The following GABRB1 variants were observed in gnomAD, a reference collection of about 807,000 sequenced individuals.
GABRB1 encodes gamma-aminobutyric acid receptor subunit beta-1.
In GABRB1, 17 loss-of-function variants were observed where a neutral mutation model predicts 51.6. That is an observed-to-expected ratio of 0.33 (90% CI 0.23 to 0.49). The LOEUF (loss-of-function observed/expected upper bound fraction) is 0.49. Among genes scored for constraint, GABRB1 ranks in the 20% least tolerant of loss-of-function variants. GABRB1 has a pLI of 0.99. For missense variants in GABRB1, 410 were observed against 600.6 expected, an observed-to-expected ratio of 0.68 and a Z score of 3.32; for synonymous variants, 247 against 218.9, an observed-to-expected ratio of 1.13 and a Z score of -1.14.
intron 3 of GABRB1, among the ~76,000 whole-genome samples, chr4:47,148,660 A>G (rs1243610465): frequency 6.6e-6 from 1 of 151,898 alleles, no homozygotes; most frequent in Non-Finnish European, 1.5e-5. Context: ...ATCACTGTGG[A>G]AGAAAAATGC....
rs115520486 is a variant in GABRB1 at position 47,026,536 on chromosome 4, C to T, written c.-19-5378C>T. On this transcript the variant is annotated intron_variant, in intron 1 of 3. Transcript: ENST00000513567. The stretch of plus-strand genomic sequence containing the variant: ...GCAACACTTTTTAAATGATGCTCTA[C>T]AAACAATATATTACCGGTAACAGGC... 2.8e-3 allele frequency among the ~76,000 whole-genome samples: 431 copies of T among 152,094 alleles called. 2 individuals are homozygous for T. The highest frequency in any genetic ancestry group is 0.01 in the African/African-American group (423 of 41,536).
Position 47,137,029 on chromosome 4 carries a change from T to C in GABRB1, c.241-24220T>C, listed in dbSNP as rs557545524. On this transcript the variant is annotated intron_variant, in intron 3 of 8. Coordinates refer to ENST00000295454, the MANE Select transcript of GABRB1 (RefSeq NM_000812.4). ...AGGAGACTAGGACTGACTTTGCCGATATGAAAATGCGGAAAGGGCGCCACA... is the reference window on the plus strand; with the variant it reads ...AGGAGACTAGGACTGACTTTGCCGACATGAAAATGCGGAAAGGGCGCCACA... 3.3e-5 allele frequency among the ~76,000 whole-genome samples: 5 copies of C among 152,218 alleles called. 1 individual carries two copies. Among genetic ancestry groups the C allele is most frequent in the South Asian group, 4.1e-4 (2 of 4,830 alleles).
chr4:47,377,409 G>C (rs571191837), intron 5 of GABRB1, among the ~76,000 whole-genome samples: 1 of 151,858 alleles, frequency 6.6e-6, no homozygotes, highest in Non-Finnish European at 1.5e-5. Flanking sequence ...GGAAGTGTTC[G>C]AAGTTTCTTC....
chr4:47,123,767 T>C (rs188001261), intron 3 of GABRB1, among the ~76,000 whole-genome samples: 148 of 87,396 alleles, frequency 1.7e-3, no homozygotes, highest in Admixed American at 4.2e-3. Flanking sequence ...TATAATATAT[T>C]ATATATCATA....
At chr4:47,220,288 T>C (rs1720719881) in intron 4 of GABRB1, among the ~76,000 whole-genome samples, 1 of 152,048 alleles carries the variant, frequency 6.6e-6, no homozygotes, top group African/African-American at 2.4e-5. Flanking sequence ...TTGTATATTA[T>C]CATAAGTTGG....
intron 4 of GABRB1, among the ~76,000 whole-genome samples, chr4:47,294,674 G>A (rs879385792): frequency 2.0e-5 from 3 of 152,232 alleles, no homozygotes; most frequent in Admixed American, 1.3e-4. Context: ...ACCTCTGGGG[G>A]CAGGAAACAG....
At chr4:47,207,516 G>A (rs919873042) in intron 4 of GABRB1, among the ~76,000 whole-genome samples, 2 of 151,916 alleles carry the variant, frequency 1.3e-5, no homozygotes, top group Admixed American at 6.6e-5. Flanking sequence ...CACAGTTCTC[G>A]TACTCTTAAC....
At chr4:47,003,581 T>C (rs1724294251) in intron 1 of GABRB1, among the ~76,000 whole-genome samples, 1 of 152,224 alleles carries the variant, frequency 6.6e-6, no homozygotes, top group Non-Finnish European at 1.5e-5. Context: ...AATGTCCATA[T>C]TGACATTCAA....
At chr4:47,188,653 A>G (rs1719295958) in intron 4 of GABRB1, among the ~76,000 whole-genome samples, 1 of 152,164 alleles carries the variant, frequency 6.6e-6, no homozygotes, top group Non-Finnish European at 1.5e-5. Flanking sequence ...GACATTGATG[A>G]TGAGTCTAAA....
At chr4:47,117,918 C>T (rs1715578077) in intron 3 of GABRB1, among the ~76,000 whole-genome samples, 1 of 152,154 alleles carries the variant, frequency 6.6e-6, no homozygotes, top group Non-Finnish European at 1.5e-5. Context: ...ATTATAAAGT[C>T]ATTTGTTACA....
intron 4 of GABRB1, among the ~76,000 whole-genome samples, chr4:47,187,131 G>A (rs1052033283): frequency 1.3e-5 from 2 of 151,602 alleles, no homozygotes; most frequent in Non-Finnish European, 2.9e-5. Flanking sequence ...TTTTATCAAC[G>A]AAGCATACTT....
At position 47,077,851 on chromosome 4, in the gene GABRB1, T is replaced by TA. The variant is rs1411582791; in HGVS notation, c.240+45367_240+45368insA. 2.7e-3 allele frequency among the ~76,000 whole-genome samples: 374 copies of TA among 140,992 alleles called. 5 individuals carry two copies. Among genetic ancestry groups the TA allele is most frequent in the African/African-American group, 8.6e-3 (330 of 38,468 alleles). 92.5% of individuals were successfully genotyped at this position (140,992 alleles called of 152,430 possible). A position where few individuals can be genotyped will look rare whatever the true frequency, so the allele number is the denominator to read the frequency against. On this transcript the variant is annotated intron_variant, in intron 3 of 8. Coordinates refer to ENST00000295454, the MANE Select transcript of GABRB1 (RefSeq NM_000812.4). ...ATATATATTATATATTTTATATATA[T>TA]TTTTATATATTTTATATATATTATA...
chr4:47,150,369 TAC>T (rs34368149), intron 3 of GABRB1, among the ~76,000 whole-genome samples: 101,884 of 148,286 alleles, frequency 0.69, 35,377 homozygotes, highest in Middle Eastern at 0.84. Flanking sequence ...CACACGCACA[TAC>T]ACACACACAG....
chr4:47,032,974 C>T (rs946435937), intron 3 of GABRB1: 10 of 344,688 alleles, frequency 2.9e-5, no homozygotes, highest in African/African-American at 1.7e-4. Flanking sequence ...TCAAAGTGTC[C>T]TCTCTCTCCA....
chr4:47,301,805 G>A (rs1261027412), intron 4 of GABRB1, among the ~76,000 whole-genome samples: 1 of 152,058 alleles, frequency 6.6e-6, no homozygotes, highest in Non-Finnish European at 1.5e-5. Flanking sequence ...GGCAAAATTG[G>A]CCAGTATCCA....
At chr4:47,033,575 T>C (rs1170954898) in intron 3 of GABRB1, among the ~76,000 whole-genome samples, 1 of 152,234 alleles carries the variant, frequency 6.6e-6, no homozygotes, top group Non-Finnish European at 1.5e-5. Flanking sequence ...TTTGAGATTG[T>C]ATCACTCTAT....
At chr4:47,252,611 G>A (rs1722038574) in intron 4 of GABRB1, among the ~76,000 whole-genome samples, 1 of 148,230 alleles carries the variant, frequency 6.7e-6, no homozygotes, top group Admixed American at 6.8e-5. Flanking sequence ...TGGTTCAAGT[G>A]ATTCTTCTGC....
At chr4:47,347,694 T>C (rs1041487705) in intron 5 of GABRB1, among the ~76,000 whole-genome samples, 5 of 152,328 alleles carry the variant, frequency 3.3e-5, no homozygotes, top group South Asian at 4.1e-4. Flanking sequence ...TTAGAGTCCA[T>C]TATAAGCTGA....
intron 1 of GABRB1, among the ~76,000 whole-genome samples, chr4:47,006,541 T>G (rs1170185630): frequency 6.6e-6 from 1 of 152,202 alleles, no homozygotes; most frequent in African/African-American, 2.4e-5. Flanking sequence ...CATTTTATTA[T>G]AGTGACTTGA....
Sources: gnomAD v4.1 joint callset for allele counts (sites outside exome capture counted in the v4.1 genomes callset) on GRCh38, gnomAD v4.1.1 for gene constraint, MANE v1.5 for transcripts, NCBI Gene and HGNC (gene_info 2026-07-23, HGNC 2026-07-21) for gene names.